NRG3: variants seen among roughly 807,000 people sequenced by gnomAD.
NRG3 encodes the protein neuregulin 3, also known as pro-neuregulin-3, membrane-bound isoform.
Under a neutral mutation model 66.9 loss-of-function variants are expected in NRG3, and 31 were observed. The observed-to-expected ratio is 0.46, with a 90% CI of 0.35 to 0.63. NRG3 has a LOEUF of 0.63. Ranked by LOEUF, NRG3 falls within the 20% of genes least tolerant of loss-of-function variation. The probability of loss-of-function intolerance (pLI) is 0.00; values close to 1 mark genes in which losing one functional copy is unlikely to be tolerated. For missense variants in NRG3, 910 were observed against 878.9 expected (o/e 1.04, Z -0.45); for synonymous variants, 393 against 359.4 (o/e 1.09, Z -1.06).
intron 2 of NRG3, among the ~76,000 whole-genome samples, chr10:82,685,304 T>C (rs1273698138): frequency 6.6e-6 from 1 of 152,196 alleles, no homozygotes; most frequent in Non-Finnish European, 1.5e-5. Flanking sequence ...GAATAAATTA[T>C]ACAAAATGCA....
chr10:82,655,378 A>T (rs1430146128), intron 2 of NRG3, among the ~76,000 whole-genome samples: 1 of 152,166 alleles, frequency 6.6e-6, no homozygotes, highest in East Asian at 1.9e-4. Context: ...AGGATCAATA[A>T]AAACAATAGG....
chr10:82,832,126 T>G (rs1188090411), intron 3 of NRG3, among the ~76,000 whole-genome samples: 1 of 152,214 alleles, frequency 6.6e-6, no homozygotes, highest in South Asian at 2.1e-4. Flanking sequence ...CTGTTAAGAA[T>G]GTGTAAATTT....
Position 82,884,750 on chromosome 10 carries a change from C to T in NRG3, c.1054+19313C>T, listed in dbSNP as rs145098896. ...GTAGAACCAAATGGTTCTTACTCTT[C>T]ATACTGCAAAGACATGAATGATGTT... On this transcript the variant is annotated intron_variant, in intron 4 of 8. Transcript: ENST00000372141. Among the ~76,000 whole-genome samples, 357 of 152,274 alleles carry T rather than the reference C, an allele frequency of 2.3e-3. 3 individuals carry two copies. The highest frequency in any genetic ancestry group is 8.2e-3 in the African/African-American group (339 of 41,542).
intron 1 of NRG3, among the ~76,000 whole-genome samples, chr10:82,055,017 A>C (rs2063767633): frequency 6.7e-6 from 1 of 148,776 alleles, no homozygotes; most frequent in Non-Finnish European, 1.5e-5. Flanking sequence ...GTCTCTCTTA[A>C]AACAAATCAA....
chr10:82,249,856 T>C (rs973421438), intron 1 of NRG3, among the ~76,000 whole-genome samples: 2 of 152,242 alleles, frequency 1.3e-5, no homozygotes, highest in Middle Eastern at 3.2e-3. Context: ...CAATTTACCC[T>C]TCACTTGATT....
chr10:81,999,495 G>A (rs979255214), intron 1 of NRG3, among the ~76,000 whole-genome samples: 3 of 152,114 alleles, frequency 2.0e-5, no homozygotes, highest in Non-Finnish European at 4.4e-5. Flanking sequence ...CAGTGAAAAT[G>A]TATTGTTCAA....
In NRG3 at chr10:82,277,836, A is replaced by C. The variant is rs1477406187; in HGVS notation, c.824-80903A>C. ...AGATCCACATTTTTTTCTTCACCAG[A>C]ATTCCAGGAAGTGGCATAGTATCCC... is the stretch of plus-strand genomic sequence containing the variant. On this transcript the variant is annotated intron_variant, in intron 1 of 8. Transcript: ENST00000372141. Among the ~76,000 whole-genome samples the C allele has an allele frequency of 9.2e-5, 14 of 152,240 alleles. No homozygotes were observed. The East Asian group carries it at 2.7e-3, about 29-fold the overall frequency.
chr10:82,022,212 G>A (rs1161602633), intron 1 of NRG3, among the ~76,000 whole-genome samples: 1 of 152,012 alleles, frequency 6.6e-6, no homozygotes, highest in Non-Finnish European at 1.5e-5. Context: ...CTGTAGGTAG[G>A]CAACTCATTA....
Position 82,379,240 on chromosome 10 carries a change from C to A in NRG3, c.953+20372C>A, listed in dbSNP as rs77565480. 6.2e-3 allele frequency among the ~76,000 whole-genome samples: 942 copies of A among 152,252 alleles called. 6 individuals are homozygous for A. Among genetic ancestry groups the A allele is most frequent in the Non-Finnish European group, 7.9e-3 (540 of 68,026 alleles). ...AGCTCATCCCATTTCCACTCTAACA[C>A]CGTAGGAGGACTGCAAGTCTAACGA... On this transcript the variant is annotated intron_variant, in intron 2 of 8. Transcript: ENST00000372141.
intron 1 of NRG3, among the ~76,000 whole-genome samples, chr10:81,954,983 A>G (rs192564548): frequency 0.011 from 1,627 of 152,148 alleles, 10 homozygotes; most frequent in Non-Finnish European, 0.018. Context: ...AGTTGTGCTC[A>G]TGAAAAAATA....
Position 82,973,860 on chromosome 10 carries a change from T to C in NRG3, c.1357T>C (p.Ser453Pro), listed in dbSNP as rs778769614. ...MMESSFVGPQ[S>P]FPEVPSPDRG... ...GGAGTCAAGTTTTGTCGGCCCCCAG[T>C]CATTCCCTGAGGTCCCTTCTCCTGA... The change falls in exon 7 of 9, where the codon TCA (serine) becomes CCA (proline). Residue 453 changes from serine to proline, a missense_variant. Ser to Pro is a moderately conservative substitution (Grantham distance 74). Transcript: ENST00000372141. The C allele has an allele frequency of 3.1e-6, 5 of 1,613,958 alleles. No individual in the cohort carries two copies. The highest frequency in any genetic ancestry group is 1.6e-4 in the Middle Eastern group (1 of 6,082).
At chr10:82,481,774 C>G (rs879482804) in intron 2 of NRG3, among the ~76,000 whole-genome samples, 1 of 152,102 alleles carries the variant, frequency 6.6e-6, no homozygotes, top group Non-Finnish European at 1.5e-5. Flanking sequence ...CACTTGAGGT[C>G]AGGAGTTCAA....
At chr10:82,627,197 A>G (rs1487505996) in intron 2 of NRG3, among the ~76,000 whole-genome samples, 2 of 152,058 alleles carry the variant, frequency 1.3e-5, no homozygotes, top group Admixed American at 1.3e-4. Flanking sequence ...ACTTCCTGCC[A>G]TGGTTTCCTT....
Position 82,634,825 on chromosome 10 carries a change from G to C in NRG3, c.954-103752G>C, listed in dbSNP as rs565887354. On this transcript the variant is annotated intron_variant, in intron 2 of 8. Transcript: ENST00000372141. ...TCAGATGATGGTTGGATAGAGTGTT[G>C]GATTTTATAATGTTACATTGTTATA... Among the ~76,000 whole-genome samples the C allele has an allele frequency of 4.6e-5, 7 of 152,202 alleles. No homozygotes were observed. In the East Asian group the frequency reaches 1.4e-3, roughly 29 times the overall value.
At chr10:82,504,220 A>T (rs180790753) in intron 2 of NRG3, among the ~76,000 whole-genome samples, 2 of 152,236 alleles carry the variant, frequency 1.3e-5, no homozygotes, top group Admixed American at 1.3e-4. Context: ...CTAATGGGGC[A>T]CTCATTGAGT....
intron 2 of NRG3, among the ~76,000 whole-genome samples, chr10:82,359,759 AAATT>A (rs1378088387): frequency 6.6e-6 from 1 of 152,130 alleles, no homozygotes; most frequent in Non-Finnish European, 1.5e-5. Flanking sequence ...CACAGTTATT[AAATT>A]AATTATTCTG....
At chr10:82,401,216 A>G (rs1252086897) in intron 2 of NRG3, among the ~76,000 whole-genome samples, 1 of 152,176 alleles carries the variant, frequency 6.6e-6, no homozygotes, top group Non-Finnish European at 1.5e-5. Flanking sequence ...ATAAACACAT[A>G]AGAATGTATA....
intron 1 of NRG3, among the ~76,000 whole-genome samples, chr10:81,956,105 G>A (rs1849808018): frequency 6.6e-6 from 1 of 152,078 alleles, no homozygotes; most frequent in Admixed American, 6.6e-5. Context: ...TGAGAGTTGG[G>A]GTCTGTAATC....
chr10:82,065,507 G>A (rs1029776099), intron 1 of NRG3, among the ~76,000 whole-genome samples: 5 of 152,226 alleles, frequency 3.3e-5, no homozygotes, highest in African/African-American at 9.6e-5. Flanking sequence ...CCTTCTTAAT[G>A]TGACACAGTA....
Sources: gnomAD v4.1 joint callset for allele counts (sites outside exome capture counted in the v4.1 genomes callset) on GRCh38, gnomAD v4.1.1 for gene constraint, MANE v1.5 for transcripts, NCBI Gene and HGNC (gene_info 2026-07-23, HGNC 2026-07-21) for gene names.